NAV2: variants seen among roughly 807,000 people sequenced by gnomAD.
NAV2 encodes the protein helicase, APC down-regulated 1.
NAV2 carries 54 observed loss-of-function variants against 223.2 expected under a neutral mutation model. The observed-to-expected ratio is 0.24, with a 90% CI of 0.19 to 0.30. The LOEUF (loss-of-function observed/expected upper bound fraction) is 0.30, where lower values mean the gene tolerates loss of function less well. Among genes scored for constraint, NAV2 ranks in the 10% least tolerant of loss-of-function variants. The probability of loss-of-function intolerance (pLI) is 1.00; values close to 1 mark genes in which losing one functional copy is unlikely to be tolerated. For synonymous variants in NAV2, 1,279 were observed against 1,239.3 expected, an observed-to-expected ratio of 1.03 and a Z score of -0.67; for missense variants, 2,806 against 3,147.5, an observed-to-expected ratio of 0.89 and a Z score of 2.60.
chr11:20,009,987 G>A (rs1424134499), intron 11 of NAV2, among the ~76,000 whole-genome samples: 1 of 152,052 alleles, frequency 6.6e-6, no homozygotes, highest in Non-Finnish European at 1.5e-5. Flanking sequence ...TCTGCTACTA[G>A]CCTGTCACCT....
intron 11 of NAV2, chr11:20,023,201 T>G: frequency 7.4e-7 from 1 of 1,351,318 alleles, no homozygotes; most frequent in South Asian, 1.2e-5. Flanking sequence ...TTGTCTTCCT[T>G]GGCCGGTATT....
chr11:19,838,505 G>A (rs1056965748), intron 2 of NAV2, among the ~76,000 whole-genome samples: 3 of 152,202 alleles, frequency 2.0e-5, no homozygotes, highest in African/African-American at 7.2e-5. Flanking sequence ...GGGCCACCAG[G>A]TATAAGGCAA....
At chr11:19,744,870 G>A (rs2053205232) in intron 1 of NAV2, among the ~76,000 whole-genome samples, 2 of 152,052 alleles carry the variant, frequency 1.3e-5, no homozygotes, top group African/African-American at 4.8e-5. Context: ...ACTATTATAT[G>A]GCCATTGTCC....
intron 1 of NAV2, among the ~76,000 whole-genome samples, chr11:19,564,188 G>A (rs1338806720): frequency 1.3e-5 from 2 of 152,112 alleles, no homozygotes; most frequent in East Asian, 3.9e-4. Flanking sequence ...AGTGACAAGA[G>A]CCACCAGCAG....
chr11:19,731,003 CA>C, intron 1 of NAV2, among the ~76,000 whole-genome samples: 1 of 152,310 alleles, frequency 6.6e-6, no homozygotes, highest in East Asian at 1.9e-4. Flanking sequence ...TCATGGGACA[CA>C]CTTAAACCAA....
intron 1 of NAV2, among the ~76,000 whole-genome samples, chr11:19,418,953 C>T (rs534540657): frequency 1.4e-4 from 22 of 152,054 alleles, no homozygotes; most frequent in Non-Finnish European, 1.9e-4. Context: ...GACCTGTAGG[C>T]TTAGTTAAGG....
intron 1 of NAV2, among the ~76,000 whole-genome samples, chr11:19,641,957 C>A (rs1181970862): frequency 2.0e-5 from 3 of 152,170 alleles, no homozygotes; most frequent in African/African-American, 7.2e-5. Context: ...TTCCTAAGGG[C>A]AGAGACTTTA....
At chr11:19,938,180 C>G (rs1782762789) in intron 7 of NAV2, among the ~76,000 whole-genome samples, 1 of 152,166 alleles carries the variant, frequency 6.6e-6, no homozygotes, top group Admixed American at 6.5e-5. Context: ...CATCATCTAC[C>G]ACAATAAGGG....
intron 1 of NAV2, among the ~76,000 whole-genome samples, chr11:19,746,058 G>T (rs939071311): frequency 1.3e-5 from 2 of 152,230 alleles, no homozygotes; most frequent in Non-Finnish European, 2.9e-5. Flanking sequence ...TTAGGGAAAT[G>T]AAGACACTAA....
intron 1 of NAV2, among the ~76,000 whole-genome samples, chr11:19,775,967 A>G (rs1052555627): frequency 1.3e-5 from 2 of 152,254 alleles, no homozygotes; most frequent in African/African-American, 4.8e-5. Context: ...AGGTTTAGGT[A>G]GGGTGACAAG....
intron 1 of NAV2, among the ~76,000 whole-genome samples, chr11:19,666,819 G>A (rs547902635): frequency 2.0e-5 from 3 of 152,144 alleles, no homozygotes; most frequent in East Asian, 3.9e-4. Context: ...AATCACTTAA[G>A]GAGCTTTTAA....
chr11:19,382,400 T>A (rs568734520), intron 1 of NAV2, among the ~76,000 whole-genome samples: 21 of 152,340 alleles, frequency 1.4e-4, no homozygotes, highest in South Asian at 4.1e-4. Flanking sequence ...GAGACAATTG[T>A]GCCGACTGGC....
chr11:19,790,908 T>C (rs528911107), intron 1 of NAV2, among the ~76,000 whole-genome samples: 1 of 152,284 alleles, frequency 6.6e-6, no homozygotes, highest in East Asian at 1.9e-4. Flanking sequence ...TTGTTTTTTT[T>C]TTTTTTATTT....
intron 6 of NAV2, among the ~76,000 whole-genome samples, chr11:19,917,537 C>T (rs1450308537): frequency 6.6e-6 from 1 of 152,162 alleles, no homozygotes; most frequent in African/African-American, 2.4e-5. Flanking sequence ...CCCTCACAGA[C>T]AGTGGCTTCC....
intron 1 of NAV2, among the ~76,000 whole-genome samples, chr11:19,422,614 G>A (rs1293255248): frequency 6.6e-6 from 1 of 151,936 alleles, no homozygotes; most frequent in African/African-American, 2.4e-5. Flanking sequence ...TCTCTCTGTT[G>A]TTCTGCGCAC....
At chr11:19,839,334 C>G (rs147143848) in intron 2 of NAV2, among the ~76,000 whole-genome samples, 2 of 151,106 alleles carry the variant, frequency 1.3e-5, no homozygotes, top group Middle Eastern at 3.4e-3. Flanking sequence ...AAGCAGGGAG[C>G]GAGAGAGAAG....
At chr11:20,056,488 A>G in intron 19 of NAV2, 1 of 1,321,768 alleles carries the variant, frequency 7.6e-7, no homozygotes, top group Non-Finnish European at 1.1e-6. Context: ...CTAACTGAGA[A>G]TATTTGGGGT....
chr11:19,418,686 A>T (rs1590168944), intron 1 of NAV2, among the ~76,000 whole-genome samples: 1 of 152,300 alleles, frequency 6.6e-6, no homozygotes, highest in East Asian at 1.9e-4. Flanking sequence ...AAAAAGAGGC[A>T]GCAGCCAGAT....
At chr11:19,815,533 C>T (rs984115036) in intron 1 of NAV2, among the ~76,000 whole-genome samples, 6 of 152,178 alleles carry the variant, frequency 3.9e-5, no homozygotes, top group Non-Finnish European at 7.3e-5. Context: ...CCATGCTGGA[C>T]CTGGGTGATT....
Sources: allele counts gnomAD v4.1 joint callset (sites outside exome capture counted in the v4.1 genomes callset), GRCh38; gene constraint gnomAD v4.1.1; transcripts MANE v1.5; gene names NCBI Gene and HGNC (gene_info 2026-07-23, HGNC 2026-07-21).